Variants in CPQ observed in about 807,000 individuals in gnomAD.
CPQ encodes Ser-Met dipeptidase.
A neutral mutation model predicts 45.7 loss-of-function variants in CPQ; 37 were observed. That is an observed-to-expected ratio of 0.81 (90% confidence interval 0.62 to 1.07). The LOEUF (loss-of-function observed/expected upper bound fraction) is 1.07, where lower values mean the gene tolerates loss of function less well. CPQ is among the 50% of genes least tolerant of loss of function. The pLI is 0.00. For synonymous variants in CPQ, 186 were observed against 205.8 expected, an observed-to-expected ratio of 0.90 and a Z score of 0.82; for missense variants, 537 against 572.9, an observed-to-expected ratio of 0.94 and a Z score of 0.64.
At chr8:97,052,495 C>A (rs1810379984) in intron 6 of CPQ, among the ~76,000 whole-genome samples, 1 of 152,118 alleles carries the variant, frequency 6.6e-6, no homozygotes, top group Non-Finnish European at 1.5e-5. Flanking sequence ...GATGTGCTAA[C>A]TTTAGCACAA....
intron 1 of CPQ, among the ~76,000 whole-genome samples, chr8:96,779,063 CAAA>C (rs561557208): frequency 7.0e-5 from 4 of 57,012 alleles, no homozygotes; most frequent in Admixed American, 1.9e-4. Context: ...ACTCCATCTC[CAAA>C]AAAAAAAAAA....
At chr8:97,090,618 A>G (rs920687401) in intron 7 of CPQ, among the ~76,000 whole-genome samples, 1 of 152,188 alleles carries the variant, frequency 6.6e-6, no homozygotes, top group African/African-American at 2.4e-5. Context: ...AGAACCTAGG[A>G]GATCAACCAT....
chr8:96,926,614 CTTCTTCTT>C (rs1812889831), intron 4 of CPQ, among the ~76,000 whole-genome samples: 1 of 148,956 alleles, frequency 6.7e-6, no homozygotes, highest in African/African-American at 2.5e-5. Flanking sequence ...TCTTCTTCTT[CTTCTTCTT>C]CTCCTCCTTC....
At position 97,123,067 on chromosome 8, in the gene CPQ, AAAATAAAATAAAAT is replaced by A. The variant is rs1369013345; in HGVS notation, c.1256-19935_1256-19922del. Among the ~76,000 whole-genome samples the A allele has an allele frequency of 4.4e-5, 3 of 68,362 alleles. No homozygotes were observed. In the East Asian group the frequency reaches 1.2e-3, roughly 28 times the overall value. 44.8% of individuals were successfully genotyped at this position (68,362 alleles called of 152,430 possible). ...ATAAATAAAATAAAATAAAATAAAA[AAAATAAAATAAAAT>A]AAATAAAATAAAATAAAATAAATAA... On this transcript the variant is annotated intron_variant, in intron 7 of 7. Coordinates refer to ENST00000220763, the MANE Select transcript of CPQ (RefSeq NM_016134.4).
chr8:97,016,705 G>C (rs1216752623), intron 5 of CPQ, among the ~76,000 whole-genome samples: 1 of 152,192 alleles, frequency 6.6e-6, no homozygotes, highest in Non-Finnish European at 1.5e-5. Context: ...AAGTATTATA[G>C]AGATAGGCTT....
chr8:96,788,993 A>G (rs1483439243), intron 2 of CPQ, among the ~76,000 whole-genome samples: 3 of 152,048 alleles, frequency 2.0e-5, no homozygotes, highest in African/African-American at 7.2e-5. Context: ...TTAAAAAATA[A>G]TTTCTGTGTC....
At chr8:96,714,274 AT>A (rs1282753525) in intron 1 of CPQ, among the ~76,000 whole-genome samples, 2 of 152,168 alleles carry the variant, frequency 1.3e-5, no homozygotes, top group Non-Finnish European at 2.9e-5. Context: ...AACACCAGTG[AT>A]TCTTAGGTTT....
At chr8:96,987,185 T>A (rs1234813147) in intron 5 of CPQ, among the ~76,000 whole-genome samples, 2 of 152,170 alleles carry the variant, frequency 1.3e-5, no homozygotes, top group Non-Finnish European at 1.5e-5. Context: ...TGTCCATATG[T>A]TATGTATACT....
chr8:97,122,628 G>A (rs756119788), intron 7 of CPQ, among the ~76,000 whole-genome samples: 2 of 151,978 alleles, frequency 1.3e-5, no homozygotes, highest in African/African-American at 2.4e-5. Context: ...GCTTATGCCT[G>A]TAATCCCAGC....
chr8:97,130,442 T>TC (rs1360570488), intron 7 of CPQ, among the ~76,000 whole-genome samples: 10 of 131,956 alleles, frequency 7.6e-5, no homozygotes, highest in Non-Finnish European at 1.3e-4. Context: ...TTTTTTTTTT[T>TC]CCACAAAAAT....
At chr8:97,037,515 C>T (rs1810024154) in intron 6 of CPQ, among the ~76,000 whole-genome samples, 1 of 152,056 alleles carries the variant, frequency 6.6e-6, no homozygotes, top group Non-Finnish European at 1.5e-5. Context: ...CTTTATGCAT[C>T]CTGTATTTTT....
intron 6 of CPQ, among the ~76,000 whole-genome samples, chr8:97,039,352 T>C (rs1810066945): frequency 6.6e-6 from 1 of 152,210 alleles, no homozygotes. Context: ...ATTTTGGCAA[T>C]TTCACTGTTT....
chr8:96,773,067 C>T (rs1451919182), intron 1 of CPQ, among the ~76,000 whole-genome samples: 1 of 152,108 alleles, frequency 6.6e-6, no homozygotes, highest in African/African-American at 2.4e-5. Flanking sequence ...TCTGTTTACT[C>T]CCTTTATAAA....
At chr8:96,873,616 T>C (rs928990991) in intron 3 of CPQ, among the ~76,000 whole-genome samples, 3 of 151,720 alleles carry the variant, frequency 2.0e-5, no homozygotes, top group Non-Finnish European at 3.0e-5. Flanking sequence ...AATTAGAAGC[T>C]TTAAAAAAAA....
At chr8:96,897,021 C>G (rs1812450912) in intron 4 of CPQ, among the ~76,000 whole-genome samples, 1 of 152,174 alleles carries the variant, frequency 6.6e-6, no homozygotes. Flanking sequence ...CACCATTACT[C>G]TTTCTGCACC....
chr8:96,822,207 C>T (rs989097793), intron 2 of CPQ, among the ~76,000 whole-genome samples: 2 of 151,996 alleles, frequency 1.3e-5, no homozygotes, highest in Non-Finnish European at 2.9e-5. Flanking sequence ...TCAAGTTCAT[C>T]CAAGTTGTTG....
chr8:96,878,033 G>A lies in CPQ; in HGVS notation c.642-1765G>A, dbSNP rs144382828. On this transcript the variant is annotated intron_variant, in intron 3 of 7. Transcript: ENST00000220763. ...GCTGGAGTGCAGTGGCATGATCTCG[G>A]CTCACTGCAAGCTCCACCTCCTGGG... Among the ~76,000 whole-genome samples the A allele has an allele frequency of 7.4e-3, 1,125 of 152,192 alleles. 12 individuals carry two copies. The Middle Eastern group carries it at 0.085, about 12-fold the overall frequency.
chr8:96,657,661 C>T (rs552276908), intron 1 of CPQ, among the ~76,000 whole-genome samples: 3 of 152,232 alleles, frequency 2.0e-5, no homozygotes, highest in South Asian at 4.1e-4. Flanking sequence ...ATTTATGAGA[C>T]ATTGTAAAAA....
At chr8:97,026,052 G>GT (rs1266317927) in intron 5 of CPQ, among the ~76,000 whole-genome samples, 9 of 152,278 alleles carry the variant, frequency 5.9e-5, no homozygotes, top group Admixed American at 5.9e-4. Flanking sequence ...TAAAATCTGT[G>GT]TTTTCCCTTG....
Sources: gnomAD v4.1 joint callset for allele counts (sites outside exome capture counted in the v4.1 genomes callset) on GRCh38, gnomAD v4.1.1 for gene constraint, MANE v1.5 for transcripts, NCBI Gene and HGNC (gene_info 2026-07-23, HGNC 2026-07-21) for gene names.